Variants in KLHL13 observed in about 807,000 individuals in gnomAD.
KLHL13 encodes the protein kelch-like protein 13.
Under a neutral mutation model 37.1 loss-of-function variants are expected in KLHL13, and 10 were observed. That is an observed-to-expected ratio of 0.27 (90% CI 0.17 to 0.46). The LOEUF is 0.46. Ranked by LOEUF, KLHL13 falls within the 20% of genes least tolerant of loss-of-function variation. The pLI is 1.00. For synonymous variants in KLHL13, 163 were observed against 181.2 expected (o/e 0.90, Z 0.81); for missense variants, 360 against 509.3 (o/e 0.71, Z 2.82).
At chrX:117,973,109 C>T in exon 1 of KLHL13, 1 of 987,562 alleles carries the variant, frequency 1.0e-6, no homozygotes, top group Non-Finnish European at 1.3e-6. Flanking sequence ...TTTAGGACTG[C>T]ACTGTGCATA....
intron 1 of KLHL13, among the ~76,000 whole-genome samples, chrX:118,076,122 GT>G (rs929981944): frequency 4.5e-5 from 5 of 111,582 alleles, no homozygotes; most frequent in African/African-American, 1.6e-4. Context: ...TTTTACAACA[GT>G]TTTTGTCCCT....
At chrX:117,982,806 G>A (rs1033341472) in intron 1 of KLHL13, among the ~76,000 whole-genome samples, 1 of 111,702 alleles carries the variant, frequency 9.0e-6, no homozygotes, top group African/African-American at 3.3e-5. Flanking sequence ...GCTATAGTAA[G>A]ATTGTCTTCT....
chrX:117,913,305 G>GATAAATGGATAATTGGATATCC (rs949975251), intron 4 of KLHL13, among the ~76,000 whole-genome samples: 7 of 111,893 alleles, frequency 6.3e-5, no homozygotes, highest in Non-Finnish European at 1.3e-4. Flanking sequence ...TACATAAAAG[G>GATAAATGGATAATTGGATATCC]ATAAATGGAT....
intron 1 of KLHL13, among the ~76,000 whole-genome samples, chrX:118,053,163 A>T (rs1194368658): frequency 1.4e-4 from 16 of 112,028 alleles, no homozygotes; most frequent in East Asian, 5.6e-4. Flanking sequence ...GGATTATAAA[A>T]CATGCTGCTA....
chrX:117,940,388 T>C (rs1338362370), intron 2 of KLHL13, among the ~76,000 whole-genome samples: 1 of 111,866 alleles, frequency 8.9e-6, no homozygotes, highest in Non-Finnish European at 1.9e-5. Context: ...TGCCTCCAGC[T>C]TTGTTCTTTT....
At chrX:118,111,980 G>C (rs1463931543) in intron 1 of KLHL13, among the ~76,000 whole-genome samples, 2 of 112,110 alleles carry the variant, frequency 1.8e-5, no homozygotes, top group Non-Finnish European at 3.8e-5. Context: ...TAAGAGGCAA[G>C]TTCTATTACC....
chrX:118,010,569 A>G (rs1292840046), intron 1 of KLHL13, among the ~76,000 whole-genome samples: 2 of 75,701 alleles, frequency 2.6e-5, no homozygotes, highest in Non-Finnish European at 5.0e-5. Context: ...GAAGGGGAAT[A>G]TCACACTCTG....
At chrX:118,016,930 A>G (rs1477124358) in intron 1 of KLHL13, among the ~76,000 whole-genome samples, 1 of 111,859 alleles carries the variant, frequency 8.9e-6, no homozygotes, top group African/African-American at 3.2e-5. Context: ...TTCATCCCTA[A>G]GTATTTCACA....
chrX:118,005,342 C>T (rs1031971239), intron 1 of KLHL13, among the ~76,000 whole-genome samples: 1 of 111,722 alleles, frequency 9.0e-6, no homozygotes, highest in Non-Finnish European at 1.9e-5. Flanking sequence ...AACTTGAAAA[C>T]AGCCATTATC....
rs767449910 is a variant in KLHL13, at chrX:117,971,455, T to C, written c.98+1276A>G. 5.4e-5 allele frequency among the ~76,000 whole-genome samples: 6 copies of C among 110,884 alleles called. No homozygotes were observed. The East Asian group carries it at 1.7e-3, about 31-fold the overall frequency. On this transcript the variant is annotated intron_variant, in intron 1 of 6. Transcript: ENST00000262820. ...TAATTTGTGCTTTTGACAAACAGTT[T>C]TTGAAAAACAAATATAGCTGGTTTA...
At chrX:117,948,981 G>A (rs917296874) in intron 1 of KLHL13, among the ~76,000 whole-genome samples, 1 of 112,088 alleles carries the variant, frequency 8.9e-6, no homozygotes, top group African/African-American at 3.2e-5. Flanking sequence ...CTAAGCCATT[G>A]TCATATGTTA....
intron 1 of KLHL13, among the ~76,000 whole-genome samples, chrX:118,088,605 C>T (rs1028350385): frequency 9.9e-5 from 11 of 111,597 alleles, no homozygotes; most frequent in African/African-American, 3.6e-4. Context: ...ACTCTATTGA[C>T]AAAGCAGCAA....
intron 1 of KLHL13, among the ~76,000 whole-genome samples, chrX:118,052,486 C>A (rs1267369429): frequency 9.8e-6 from 1 of 102,039 alleles, no homozygotes; most frequent in Non-Finnish European, 2.0e-5. Context: ...TGCGCCACTG[C>A]ACTCCAGCCT....
chrX:118,051,190 T>TAA (rs544019985), intron 1 of KLHL13, among the ~76,000 whole-genome samples: 3 of 94,773 alleles, frequency 3.2e-5, no homozygotes, highest in Admixed American at 1.1e-4. Flanking sequence ...GCAAAGTTTG[T>TAA]AAAAAAAAAA....
chrX:118,073,406 T>G (rs1219968954), intron 1 of KLHL13, among the ~76,000 whole-genome samples: 1 of 110,817 alleles, frequency 9.0e-6, no homozygotes, highest in African/African-American at 3.3e-5. Context: ...AAGAACAGCA[T>G]AGGAAAGACC....
At chrX:117,959,958 A>G (rs1268360754) in intron 1 of KLHL13, among the ~76,000 whole-genome samples, 2 of 111,750 alleles carry the variant, frequency 1.8e-5, no homozygotes, top group African/African-American at 6.5e-5. Flanking sequence ...GCACAAATTA[A>G]GCCCAATTGC....
intron 1 of KLHL13, among the ~76,000 whole-genome samples, chrX:118,004,281 T>C (rs183213560): frequency 1.8e-3 from 196 of 111,849 alleles, no homozygotes; most frequent in African/African-American, 6.1e-3. Flanking sequence ...TGTGTGTATA[T>C]ACATGTATAC....
chrX:118,088,252 T>G (rs1249423323), intron 1 of KLHL13, among the ~76,000 whole-genome samples: 3 of 112,178 alleles, frequency 2.7e-5, no homozygotes, highest in Non-Finnish European at 5.6e-5. Flanking sequence ...AACAATACCC[T>G]GTGCCAATAT....
rs368254851 is a variant in KLHL13, at chrX:117,909,418, G to A, written c.1249C>T (p.Arg417Ter). 1 of 1,210,837 alleles carries A rather than the reference G, an allele frequency of 8.3e-7. No individual in the cohort carries two copies. Among genetic ancestry groups the A allele is most frequent in the Non-Finnish European group, 1.1e-6 (1 of 894,729 alleles). Residue 417 changes from arginine to a stop codon, truncating the protein, a stop_gained, in exon 5 of 7, where the codon CGA becomes TGA. Coordinates refer to ENST00000262820, the Ensembl canonical transcript of KLHL13. LOFTEE classifies it high-confidence loss of function. ...GCAACTTGCATCCATTTATTGTATC[G>A]AGGATCAAATCTGAAGACTGTATCA...
Sources: allele counts gnomAD v4.1 joint callset (sites outside exome capture counted in the v4.1 genomes callset), GRCh38; gene constraint gnomAD v4.1.1; transcripts MANE v1.5; gene names NCBI Gene and HGNC (gene_info 2026-07-23, HGNC 2026-07-21).